The following AMIGO2 variants were observed in gnomAD, a reference collection of about 807,000 sequenced individuals.
The protein encoded by AMIGO2 is amphoterin-induced protein 2.
AMIGO2 carries 15 observed loss-of-function variants against 23.7 expected under a neutral mutation model. The observed-to-expected ratio is 0.63, with a 90% CI of 0.42 to 0.98. The LOEUF (loss-of-function observed/expected upper bound fraction) is 0.98. Ranked by LOEUF, AMIGO2 falls within the 50% of genes least tolerant of loss-of-function variation. The pLI is 0.00. For synonymous variants in AMIGO2, 264 were observed against 252.3 expected (o/e 1.05, Z -0.44); for missense variants, 561 against 633.1 (o/e 0.89, Z 1.22).
In AMIGO2 at chr12:47,077,368, G is replaced by C; in HGVS notation, c.*66C>G. On this transcript the variant is annotated 3_prime_UTR_variant, in exon 3 of 3. Transcript: ENST00000550413. Reference sequence around the variant, plus strand: ...CAATTTCTGTCCTGCTGTTTATTTTGCAGACCACACACAAAGTTAAATATG... The same window carrying C: ...CAATTTCTGTCCTGCTGTTTATTTTCCAGACCACACACAAAGTTAAATATG... The C allele has an allele frequency of 6.5e-7, 1 of 1,527,166 alleles. No homozygotes were observed. Among genetic ancestry groups the C allele is most frequent in the Admixed American group, 2.0e-5 (1 of 50,052 alleles). 94.6% of individuals were successfully genotyped at this position (1,527,166 alleles called of 1,614,324 possible). A position where few individuals can be genotyped will look rare whatever the true frequency, so the allele number is the denominator to read the frequency against.
At position 47,077,923 on chromosome 12, in the gene AMIGO2, C is replaced by T; in HGVS notation, c.1080G>A (p.Val360=). 2.5e-6 allele frequency: 4 copies of T among 1,614,038 alleles called. No individual in the cohort carries two copies. In the South Asian group the frequency reaches 4.4e-5, roughly 18 times the overall value. ...GCTTATTCATTGCGATACAAGAATA[C>T]ACTCCAGCATCCTCAAAACGAGGGC... The part of the protein sequence containing the change: ...IESPRFEDAG[V]YSCIAMNKQR... Residue 360 remains valine, a synonymous_variant, in exon 3 of 3, where the codon GTG becomes GTA. Coordinates refer to ENST00000550413, the MANE Select transcript of AMIGO2 (RefSeq NM_001370299.1).
Position 47,078,972 on chromosome 12 carries a change from G to A in AMIGO2, c.31C>T (p.Leu11=), listed in dbSNP as rs1436778283. 1 of 1,612,476 alleles carries A rather than the reference G, an allele frequency of 6.2e-7. No individual in the cohort carries two copies. Among genetic ancestry groups the A allele is most frequent in the Non-Finnish European group, 8.5e-7 (1 of 1,179,164 alleles). ...CCCGGTCTGACGACGGCTCCAAGCA[G>A]GGTGGGCAGAGTGTGTACACGTAAC... MSLRVHTLPT[L]LGAVVRPGCR... Residue 11 remains leucine, a synonymous_variant, in exon 3 of 3, where the codon CTG becomes TTG. Coordinates refer to ENST00000550413, the MANE Select transcript of AMIGO2 (RefSeq NM_001370299.1).
At position 47,076,971 on chromosome 12, in the gene AMIGO2, T is replaced by C. The variant is rs1446522546; in HGVS notation, c.*463A>G. The C allele has an allele frequency of 6.3e-6, 1 of 159,594 alleles. No homozygotes were observed. Among genetic ancestry groups the C allele is most frequent in the Non-Finnish European group, 1.4e-5 (1 of 72,956 alleles). The allele number at this position is 159,594 out of a possible 1,614,324, so 9.9% of individuals were successfully genotyped here. On this transcript the variant is annotated 3_prime_UTR_variant, in exon 3 of 3. Coordinates refer to ENST00000550413, the MANE Select transcript of AMIGO2 (RefSeq NM_001370299.1). Reference sequence around the variant, plus strand: ...ATAACCCCCAAATCTAACTTTGCTTTAGGCTTTATAATTAATTGATGCTTG... The same window carrying C: ...ATAACCCCCAAATCTAACTTTGCTTCAGGCTTTATAATTAATTGATGCTTG...
chr12:47,078,110 T>C lies in AMIGO2; in HGVS notation c.893A>G (p.His298Arg), dbSNP rs988237765. 3.1e-6 allele frequency: 5 copies of C among 1,614,156 alleles called. No homozygotes were observed. Among genetic ancestry groups the C allele is most frequent in the South Asian group, 1.1e-5 (1 of 91,078 alleles). Residue 298 changes from histidine (H) to arginine (R), a missense_variant, in exon 3 of 3, where the codon CAT (histidine) becomes CGT (arginine). Physicochemically the swap from His to Arg is conservative, Grantham distance 29. Transcript: ENST00000550413. ...CAGTCTTTCCCCGACCTGAGCCTCATGAATAAAGCCAAGCGCACGAAAGGA... is the reference window on the plus strand; with the variant it reads ...CAGTCTTTCCCCGACCTGAGCCTCACGAATAAAGCCAAGCGCACGAAAGGA... ...NGSFRALGFI[H>R]EAQVGERLMV...
In AMIGO2 at chr12:47,078,338, C is replaced by A. The variant is rs757536492; in HGVS notation, c.665G>T (p.Gly222Val). 1 of 1,613,816 alleles carries A rather than the reference C, an allele frequency of 6.2e-7. No individual in the cohort carries two copies. Among genetic ancestry groups the A allele is most frequent in the Non-Finnish European group, 8.5e-7 (1 of 1,180,040 alleles). The change falls in exon 3 of 3, where the codon GGC becomes GTC. Residue 222 changes from glycine (G) to valine (V), a missense_variant. Physicochemically the swap from Gly to Val is moderately radical, Grantham distance 109. Transcript: ENST00000550413. Reference sequence around the variant, plus strand: ...AAATGGGTTTCCATGAAGGTAGATGCCTCTCAGCTGTTTTCCTGGCACTAA... The same window carrying A: ...AAATGGGTTTCCATGAAGGTAGATGACTCTCAGCTGTTTTCCTGGCACTAA... ...INLVPGKQLR[G>V]IYLHGNPFVC...
rs1031703470 is a variant in AMIGO2 at position 47,077,596 on chromosome 12, C to G, written c.1407G>C (p.Leu469Phe). ...CTGCTGCAGTATCCTTCAGGGGTTC[C>G]AAAAACACCACTCTTTTACCTGCAC... is the stretch of plus-strand genomic sequence containing the variant. ...KAGAGKRVVF[L>F]EPLKDTAAGQ... Residue 469 changes from leucine to phenylalanine, a missense_variant, in exon 3 of 3, where the codon TTG (leucine) becomes TTC (phenylalanine). Physicochemically the swap from Leu to Phe is conservative, Grantham distance 22. Transcript: ENST00000550413. 2 of 1,614,200 alleles carry G rather than the reference C, an allele frequency of 1.2e-6. No individual in the cohort carries two copies. Among genetic ancestry groups the G allele is most frequent in the African/African-American group, 2.7e-5 (2 of 75,040 alleles).
Position 47,078,759 on chromosome 12 carries a change from G to A in AMIGO2, c.244C>T (p.Leu82Phe), listed in dbSNP as rs1941901157. 2 of 1,614,078 alleles carry A rather than the reference G, an allele frequency of 1.2e-6. No homozygotes were observed. The highest frequency in any genetic ancestry group is 1.7e-6 in the Non-Finnish European group (2 of 1,180,044). Residue 82 changes from leucine (L) to phenylalanine (F), a missense_variant, in exon 3 of 3, where the codon CTT becomes TTT. Coordinates refer to ENST00000550413, the MANE Select transcript of AMIGO2 (RefSeq NM_001370299.1). ...RLDLSYNRIGLLDSEWIPVSF... is the reference protein window; with the variant it reads ...RLDLSYNRIGFLDSEWIPVSF... ...ACTGGAATCCACTCAGAATCCAGAA[G>A]CCCAATTCTGTTATAACTCAGGTCC...
chr12:47,077,655 C>T lies in AMIGO2; in HGVS notation c.1348G>A (p.Ala450Thr). ...AHSSILSPGP[A>T]SDASADERKA... ...CGTTCATCAGCGGAGGCATCACTAG[C>T]GGGGCCAGGACTGAGAATCGATGAA... Residue 450 changes from alanine (A) to threonine (T), a missense_variant, in exon 3 of 3, where the codon GCT becomes ACT. Ala to Thr is a moderately conservative substitution (Grantham distance 58). Transcript: ENST00000550413. 6.2e-7 allele frequency: 1 copy of T among 1,614,208 alleles called. No homozygotes were observed. The highest frequency in any genetic ancestry group is 1.7e-5 in the Admixed American group (1 of 60,018).
rs1941902647 is a variant in AMIGO2 at position 47,078,840 on chromosome 12, T to C, written c.163A>G (p.Thr55Ala). 1 of 1,614,112 alleles carries C rather than the reference T, an allele frequency of 6.2e-7. No homozygotes were observed. Among genetic ancestry groups the C allele is most frequent in the Non-Finnish European group, 8.5e-7 (1 of 1,180,052 alleles). ...GGCACCTTGGACAGGTTTTTGTTGGTGCAGCTGACGATGTCAGTGGCACAG... is the reference window on the plus strand; with the variant it reads ...GGCACCTTGGACAGGTTTTTGTTGGCGCAGCTGACGATGTCAGTGGCACAG... ...CICATDIVSC[T>A]NKNLSKVPGN... The change falls in exon 3 of 3, where the codon ACC (threonine) becomes GCC (alanine). Residue 55 changes from threonine (T) to alanine (A), a missense_variant. Transcript: ENST00000550413.
In AMIGO2 at chr12:47,078,752, T is replaced by C; in HGVS notation, c.251A>G (p.Asp84Gly). 1 of 1,614,208 alleles carries C rather than the reference T, an allele frequency of 6.2e-7. No homozygotes were observed. Residue 84 changes from aspartate (D) to glycine (G), a missense_variant, in exon 3 of 3, where the codon GAT becomes GGT. Physicochemically the swap from Asp to Gly is moderately conservative, Grantham distance 94 (BLOSUM62 -1). Coordinates refer to ENST00000550413, the MANE Select transcript of AMIGO2 (RefSeq NM_001370299.1). ...DLSYNRIGLLDSEWIPVSFAK... is the reference protein window; with the variant it reads ...DLSYNRIGLLGSEWIPVSFAK... ...AAACGATACTGGAATCCACTCAGAATCCAGAAGCCCAATTCTGTTATAACT... is the reference window on the plus strand; with the variant it reads ...AAACGATACTGGAATCCACTCAGAACCCAGAAGCCCAATTCTGTTATAACT...
chr12:47,076,192 CCAT>C (rs1941853485), downstream of AMIGO2: 1 of 152,084 alleles, frequency 6.6e-6, no homozygotes, highest in African/African-American at 2.4e-5. Flanking sequence ...ACCTTAAACA[CCAT>C]CTGGTCTGAA....
At position 47,077,996 on chromosome 12, in the gene AMIGO2, T is replaced by C. The variant is rs772162525; in HGVS notation, c.1007A>G (p.Glu336Gly). 1.9e-6 allele frequency: 3 copies of C among 1,613,940 alleles called. No homozygotes were observed. The highest frequency in any genetic ancestry group is 2.5e-6 in the Non-Finnish European group (3 of 1,180,038). Residue 336 changes from glutamate to glycine, a missense_variant, in exon 3 of 3, where the codon GAG (glutamate) becomes GGG (glycine). Glu to Gly is a moderately conservative substitution (Grantham distance 98). Coordinates refer to ENST00000550413, the MANE Select transcript of AMIGO2 (RefSeq NM_001370299.1). ...GTGAAACACGTAAAAGTTTTCCATC[T>C]CTTTATCCGGCTCTAGCAGTCTGTT... is the stretch of plus-strand genomic sequence containing the variant. ...PDNRLLEPDK[E>G]MENFYVFHNG...
Position 47,078,597 on chromosome 12 carries a change from C to A in AMIGO2, c.406G>T (p.Val136Leu), listed in dbSNP as rs1019906083. The A allele has an allele frequency of 3.1e-6, 5 of 1,614,186 alleles. No homozygotes were observed. In the Admixed American group the frequency reaches 5.0e-5, roughly 16 times the overall value. ...TCCAGAACCTTCAACTCTTGGAATA[C>A]AGCATTTTTCACCGTCTTCAGCTTA... ...SNKLKTVKNA[V>L]FQELKVLEVL... The change falls in exon 3 of 3, where the codon GTA becomes TTA. Residue 136 changes from valine (V) to leucine (L), a missense_variant. By Grantham distance (32) the Val-to-Leu change is conservative (BLOSUM62 1). Coordinates refer to ENST00000550413, the MANE Select transcript of AMIGO2 (RefSeq NM_001370299.1).
At position 47,078,643 on chromosome 12, in the gene AMIGO2, C is replaced by A. The variant is rs1941898513; in HGVS notation, c.360G>T (p.Lys120Asn). 6.2e-7 allele frequency: 1 copy of A among 1,614,206 alleles called. No homozygotes were observed. The highest frequency in any genetic ancestry group is 2.2e-5 in the East Asian group (1 of 44,886). ...TGSFSTTPNLKCLDLSSNKLK... is the reference protein window; with the variant it reads ...TGSFSTTPNLNCLDLSSNKLK... Reference sequence around the variant, plus strand: ...GCTTATTGGACGATAAGTCAAGACACTTCAAATTTGGAGTTGTGGAAAAAC... The same window carrying A: ...GCTTATTGGACGATAAGTCAAGACAATTCAAATTTGGAGTTGTGGAAAAAC... Residue 120 changes from lysine (K) to asparagine (N), a missense_variant, in exon 3 of 3, where the codon AAG (lysine) becomes AAT (asparagine). Coordinates refer to ENST00000550413, the MANE Select transcript of AMIGO2 (RefSeq NM_001370299.1).
Position 47,078,179 on chromosome 12 carries a change from A to G in AMIGO2, c.824T>C (p.Leu275Pro). ...AGAGCAATTCATAAAGCTATCCTGG[A>G]GCAGAAGTACCTGACGCGAGTGCCT... ...DSRHSRQVLL[L>P]QDSFMNCSDS... The change falls in exon 3 of 3, where the codon CTC becomes CCC. Residue 275 changes from leucine (L) to proline (P), a missense_variant. By Grantham distance (98) the Leu-to-Pro change is moderately conservative. Transcript: ENST00000550413. 6.2e-7 allele frequency: 1 copy of G among 1,614,192 alleles called. No individual in the cohort carries two copies. The highest frequency in any genetic ancestry group is 8.5e-7 in the Non-Finnish European group (1 of 1,180,032).
At position 47,079,192 on chromosome 12, in the gene AMIGO2, A is replaced by G. The variant is rs1941912222; in HGVS notation, c.-114T>C. The G allele has an allele frequency of 2.7e-6, 2 of 740,970 alleles. No homozygotes were observed. The highest frequency in any genetic ancestry group is 5.7e-5 in the East Asian group (2 of 35,214). 45.9% of individuals were successfully genotyped at this position (740,970 alleles called of 1,614,324 possible). On this transcript the variant is annotated 5_prime_UTR_variant, in exon 2 of 3. Coordinates refer to ENST00000550413, the MANE Select transcript of AMIGO2 (RefSeq NM_001370299.1). ...AAATGGGTTTTATTTCACAATAGGG[A>G]GCTCTGTGTTGCCTCTTCACTGTTA...
At position 47,077,980 on chromosome 12, in the gene AMIGO2, G is replaced by A. The variant is rs779114672; in HGVS notation, c.1023C>T (p.Tyr341=). ...TAACCAGACTTCCATTGTGAAACAC[G>A]TAAAAGTTTTCCATCTCTTTATCCG... is the stretch of plus-strand genomic sequence containing the variant. ...LEPDKEMENF[Y]VFHNGSLVIE... Residue 341 remains tyrosine, a synonymous_variant, in exon 3 of 3, where the codon TAC becomes TAT. Transcript: ENST00000550413. 2.5e-6 allele frequency: 4 copies of A among 1,613,692 alleles called. No homozygotes were observed. The highest frequency in any genetic ancestry group is 1.6e-4 in the Middle Eastern group (1 of 6,062).
downstream of AMIGO2, chr12:47,076,328 T>C (rs1480093692): frequency 1.3e-5 from 2 of 152,290 alleles, no homozygotes; most frequent in African/African-American, 4.8e-5. Context: ...TTTGAGTGTT[T>C]TCTGGATCTG....
In AMIGO2 at chr12:47,077,359, G is replaced by A. The variant is rs761794586; in HGVS notation, c.*75C>T. 1.3e-6 allele frequency: 2 copies of A among 1,513,726 alleles called. No homozygotes were observed. The highest frequency in any genetic ancestry group is 1.8e-6 in the Non-Finnish European group (2 of 1,127,684). The allele number at this position is 1,513,726 out of a possible 1,614,324, so 93.8% of individuals were successfully genotyped here. ...AAAACAACACAATTTCTGTCCTGCT[G>A]TTTATTTTGCAGACCACACACAAAG... On this transcript the variant is annotated 3_prime_UTR_variant, in exon 3 of 3. Transcript: ENST00000550413.
Sources: gnomAD v4.1 joint callset for allele counts on GRCh38, gnomAD v4.1.1 for gene constraint, MANE v1.5 for transcripts, NCBI Gene and HGNC (gene_info 2026-07-23, HGNC 2026-07-21) for gene names.